The following CNTNAP5 variants were observed in gnomAD, a reference collection of about 807,000 sequenced individuals.
CNTNAP5 encodes contactin-associated protein-like 5.
Under a neutral mutation model 150.2 loss-of-function variants are expected in CNTNAP5, and 72 were observed. The observed-to-expected ratio is 0.48, with a 90% CI of 0.40 to 0.58. The LOEUF is 0.58. Among genes scored for constraint, CNTNAP5 ranks in the 20% least tolerant of loss-of-function variants. The pLI, the probability that CNTNAP5 is intolerant of heterozygous loss-of-function variation, is 0.00. For missense variants in CNTNAP5, 1,636 were observed against 1,626.2 expected (o/e 1.01, Z -0.10); for synonymous variants, 672 against 619.8 (o/e 1.08, Z -1.25).
intron 5 of CNTNAP5, among the ~76,000 whole-genome samples, chr2:124,438,783 T>G (rs1194469294): frequency 3.3e-5 from 5 of 152,216 alleles, no homozygotes; most frequent in African/African-American, 1.2e-4. Context: ...TAAAAGTTTT[T>G]TTTTAGTTGC....
intron 3 of CNTNAP5, among the ~76,000 whole-genome samples, chr2:124,284,217 T>A (rs1446626873): frequency 6.6e-6 from 1 of 152,152 alleles, no homozygotes; most frequent in Non-Finnish European, 1.5e-5. Context: ...AAACAATGTA[T>A]AAGTTTTGTT....
intron 17 of CNTNAP5, among the ~76,000 whole-genome samples, chr2:124,781,738 G>T (rs970141188): frequency 2.6e-5 from 4 of 152,180 alleles, no homozygotes; most frequent in African/African-American, 7.2e-5. Flanking sequence ...TAGTGAGATG[G>T]TACTTCTATC....
chr2:124,567,415 A>G (rs2104935139), intron 11 of CNTNAP5, among the ~76,000 whole-genome samples: 1 of 152,324 alleles, frequency 6.6e-6, no homozygotes. Flanking sequence ...GAAAAACATG[A>G]TGAATGTGTG....
rs142620110 is a variant in CNTNAP5, at chr2:124,269,950, G to A, written c.381+27557G>A. On this transcript the variant is annotated intron_variant, in intron 3 of 23. Coordinates refer to ENST00000682447, the MANE Select transcript of CNTNAP5 (RefSeq NM_001367498.1). ...AAATCATGTCTGCGGATGTTAATGA[G>A]GACAAACTAGTGCTAGAGTAGCGAA... Among the ~76,000 whole-genome samples, 359 of 152,208 alleles carry A rather than the reference G, an allele frequency of 2.4e-3. 1 individual carries two copies. Among genetic ancestry groups the A allele is most frequent in the African/African-American group, 8.2e-3 (341 of 41,526 alleles).
At chr2:124,747,788 C>CT (rs34959025) in intron 14 of CNTNAP5, among the ~76,000 whole-genome samples, 1,728 of 42,488 alleles carry the variant, frequency 0.041, 215 homozygotes, top group African/African-American at 0.08. Flanking sequence ...CCTAACTCTT[C>CT]TTTTTTTTTT....
At chr2:124,381,296 C>A (rs1690789427) in intron 3 of CNTNAP5, among the ~76,000 whole-genome samples, 1 of 152,106 alleles carries the variant, frequency 6.6e-6, no homozygotes, top group Admixed American at 6.5e-5. Flanking sequence ...GTGATGTGAT[C>A]TTTTTTATTC....
chr2:124,331,486 T>C (rs1166507452), intron 3 of CNTNAP5, among the ~76,000 whole-genome samples: 1 of 152,052 alleles, frequency 6.6e-6, no homozygotes, highest in Non-Finnish European at 1.5e-5. Flanking sequence ...ATAACCTTAA[T>C]TGGTTTGTTA....
At chr2:124,521,804 C>T (rs1694853092) in intron 8 of CNTNAP5, among the ~76,000 whole-genome samples, 1 of 152,184 alleles carries the variant, frequency 6.6e-6, no homozygotes, top group South Asian at 2.1e-4. Flanking sequence ...TTACAATTGA[C>T]TGTGCTCCCC....
At position 124,350,453 on chromosome 2, in the gene CNTNAP5, G is replaced by GT. The variant is rs71641606; in HGVS notation, c.382-66978dup. 8.5e-4 allele frequency among the ~76,000 whole-genome samples: 122 copies of GT among 142,940 alleles called. 1 individual carries two copies. The highest frequency in any genetic ancestry group is 3.7e-3 in the Middle Eastern group (1 of 270). 93.8% of individuals were successfully genotyped at this position (142,940 alleles called of 152,430 possible). ...TGTAAATGCAGATGGTTTGTGGCTTGTTTTTTTTTTTTAATCCTTCATTTT... is the reference window on the plus strand; with the variant it reads ...TGTAAATGCAGATGGTTTGTGGCTTGTTTTTTTTTTTTTAATCCTTCATTTT... On this transcript the variant is annotated intron_variant, in intron 3 of 23. Transcript: ENST00000682447.
rs112394055 is a variant in CNTNAP5, at chr2:124,759,416, T to TTA, written c.2235-4241_2235-4240dup. On this transcript the variant is annotated intron_variant, in intron 14 of 23. Coordinates refer to ENST00000682447, the MANE Select transcript of CNTNAP5 (RefSeq NM_001367498.1). Reference sequence around the variant, plus strand: ...TTATATATATATCTATATATACACATTATATATATATATATAATGGCACCA... The same window carrying TTA: ...TTATATATATATCTATATATACACATTATATATATATATATATAATGGCACCA... 2.6e-3 allele frequency among the ~76,000 whole-genome samples: 379 copies of TTA among 144,866 alleles called. 1 individual carries two copies. Among genetic ancestry groups the TTA allele is most frequent in the African/African-American group, 6.3e-3 (252 of 39,844 alleles).
intron 1 of CNTNAP5, among the ~76,000 whole-genome samples, chr2:124,086,962 A>T (rs1269843297): frequency 1.3e-5 from 2 of 151,686 alleles, no homozygotes; most frequent in East Asian, 1.9e-4. Flanking sequence ...TTTTGAATAC[A>T]TCTTTTTATA....
At chr2:124,427,158 G>A (rs1374173573) in intron 4 of CNTNAP5, among the ~76,000 whole-genome samples, 1 of 152,228 alleles carries the variant, frequency 6.6e-6, no homozygotes, top group South Asian at 2.1e-4. Context: ...AGATAAAATA[G>A]AGAACTCTGA....
intron 3 of CNTNAP5, among the ~76,000 whole-genome samples, chr2:124,408,647 G>C (rs1052258423): frequency 2.0e-5 from 3 of 151,772 alleles, no homozygotes; most frequent in Admixed American, 2.0e-4. Flanking sequence ...ACAAGGCAGG[G>C]TATTCCAACA....
chr2:124,652,960 G>T (rs1391941467), intron 13 of CNTNAP5, among the ~76,000 whole-genome samples: 7 of 152,186 alleles, frequency 4.6e-5, no homozygotes, highest in Admixed American at 6.5e-5. Context: ...AAATCTAATG[G>T]CTGTAGGACA....
intron 18 of CNTNAP5, among the ~76,000 whole-genome samples, chr2:124,797,008 G>T (rs2104640636): frequency 6.6e-6 from 1 of 152,272 alleles, no homozygotes; most frequent in South Asian, 2.1e-4. Context: ...AAAGTCTATT[G>T]GGATGGATTC....
chr2:124,547,827 T>C (rs1695548117), intron 10 of CNTNAP5, among the ~76,000 whole-genome samples: 1 of 151,998 alleles, frequency 6.6e-6, no homozygotes, highest in South Asian at 2.1e-4. Flanking sequence ...GTGAGTGAAA[T>C]CAACTCACAG....
intron 13 of CNTNAP5, among the ~76,000 whole-genome samples, chr2:124,720,606 T>C (rs1317470503): frequency 1.3e-5 from 2 of 152,228 alleles, no homozygotes; most frequent in Non-Finnish European, 2.9e-5. Context: ...AAAGCTATTT[T>C]AGTAGAGTTA....
intron 11 of CNTNAP5, among the ~76,000 whole-genome samples, chr2:124,577,936 T>C (rs921618734): frequency 6.6e-6 from 1 of 151,946 alleles, no homozygotes; most frequent in Non-Finnish European, 1.5e-5. Context: ...ACAAAACTGG[T>C]ATCAGCCAGA....
chr2:124,550,250 C>T (rs1228997686), intron 10 of CNTNAP5, among the ~76,000 whole-genome samples: 1 of 152,146 alleles, frequency 6.6e-6, no homozygotes, highest in Non-Finnish European at 1.5e-5. Context: ...TAAAACCCCA[C>T]AATTTGCAAC....
Sources: allele counts gnomAD v4.1 joint callset (sites outside exome capture counted in the v4.1 genomes callset), GRCh38; gene constraint gnomAD v4.1.1; transcripts MANE v1.5; gene names NCBI Gene and HGNC (gene_info 2026-07-23, HGNC 2026-07-21).